Variants in ASIC2 observed in about 807,000 individuals in gnomAD.
ASIC2 encodes the protein acid-sensing ion channel 2.
Under a neutral mutation model 57.3 loss-of-function variants are expected in ASIC2, and 25 were observed. The observed-to-expected ratio is 0.44, with a 90% confidence interval of 0.32 to 0.61. The LOEUF (loss-of-function observed/expected upper bound fraction) is 0.61, where lower values mean the gene tolerates loss of function less well. Ranked by LOEUF, ASIC2 falls within the 20% of genes least tolerant of loss-of-function variation. The probability of loss-of-function intolerance (pLI) is 0.06; values close to 1 mark genes in which losing one functional copy is unlikely to be tolerated. For missense variants in ASIC2, 641 were observed against 738.1 expected, an observed-to-expected ratio of 0.87 and a Z score of 1.52; for synonymous variants, 319 against 307.5, an observed-to-expected ratio of 1.04 and a Z score of -0.39.
chr17:33,431,377 CG>C (rs1448501643), intron 1 of ASIC2, among the ~76,000 whole-genome samples: 1 of 152,010 alleles, frequency 6.6e-6, no homozygotes, highest in African/African-American at 2.4e-5. Flanking sequence ...GAGGTCGAGG[CG>C]GGCAGATCAC....
Position 33,707,300 on chromosome 17 carries a change from T to G in ASIC2, c.555+448678A>C, listed in dbSNP as rs1161298039. Among the ~76,000 whole-genome samples, 15 of 152,310 alleles carry G rather than the reference T, an allele frequency of 9.8e-5. No homozygotes were observed. In the East Asian group the frequency reaches 2.3e-3, roughly 23 times the overall value. On this transcript the variant is annotated intron_variant, in intron 1 of 9. Coordinates refer to the ASIC2 transcript ENST00000359872. ...TTAATTATGGCAAATTTTCTCATTC[T>G]AGCTCTTGTATAATTTTCTCAATTC...
chr17:33,294,468 C>T (rs1003649951), upstream of ASIC2, among the ~76,000 whole-genome samples: 1 of 151,960 alleles, frequency 6.6e-6, no homozygotes, highest in African/African-American at 2.4e-5. Context: ...CTGGGATGGG[C>T]TTTCCCTCCC....
intron 3 of ASIC2, among the ~76,000 whole-genome samples, chr17:33,065,062 C>T (rs1224809801): frequency 6.6e-6 from 1 of 151,412 alleles, no homozygotes; most frequent in African/African-American, 2.4e-5. Context: ...TCAGGTTCCC[C>T]AGCTGGGAAA....
chr17:33,771,591 G>A (rs1380492689), intron 1 of ASIC2, among the ~76,000 whole-genome samples: 2 of 152,004 alleles, frequency 1.3e-5, no homozygotes, highest in Non-Finnish European at 2.9e-5. Flanking sequence ...TTGCCTGAGG[G>A]CTGAGCTTGT....
chr17:33,395,051 C>G (rs1910027835), intron 1 of ASIC2, among the ~76,000 whole-genome samples: 1 of 150,394 alleles, frequency 6.6e-6, no homozygotes, highest in Non-Finnish European at 1.5e-5. Flanking sequence ...CTTCCATCCA[C>G]CTACCCATCC....
intron 1 of ASIC2, among the ~76,000 whole-genome samples, chr17:34,074,225 T>C (rs1909536188): frequency 6.6e-6 from 1 of 152,206 alleles, no homozygotes; most frequent in Non-Finnish European, 1.5e-5. Context: ...CACTGTATTT[T>C]GAGAACCACT....
intron 1 of ASIC2, among the ~76,000 whole-genome samples, chr17:33,320,842 T>C (rs1377589952): frequency 6.6e-6 from 1 of 152,174 alleles, no homozygotes; most frequent in African/African-American, 2.4e-5. Context: ...CCCACTGCAC[T>C]CTTATAACTG....
intron 1 of ASIC2, among the ~76,000 whole-genome samples, chr17:33,217,617 C>A (rs573703080): frequency 1.3e-5 from 2 of 152,276 alleles, no homozygotes; most frequent in East Asian, 3.9e-4. Context: ...AAGAAAGGAA[C>A]TGACAGCTTG....
At position 33,353,737 on chromosome 17, in the gene ASIC2, T is replaced by G. The variant is rs374429724; in HGVS notation, c.556-241670A>C. Among the ~76,000 whole-genome samples, 183 of 152,290 alleles carry G rather than the reference T, an allele frequency of 1.2e-3. 2 individuals carry two copies. Among genetic ancestry groups the G allele is most frequent in the African/African-American group, 4.2e-3 (175 of 41,574 alleles). On this transcript the variant is annotated intron_variant, in intron 1 of 9. Transcript: ENST00000359872. ...CTTCTTCCTAGGAGTCCCATAGGTC[T>G]TGGAACCATTTTTATGATCCTCAGT...
At chr17:34,038,325 A>G in intron 1 of ASIC2, 1 of 1,610,372 alleles carries the variant, frequency 6.2e-7, no homozygotes, top group Non-Finnish European at 8.5e-7. Flanking sequence ...GTACAAAACG[A>G]GTCAGTATCC....
intron 1 of ASIC2, among the ~76,000 whole-genome samples, chr17:33,710,096 A>G (rs902946270): frequency 2.0e-5 from 3 of 152,176 alleles, no homozygotes; most frequent in Non-Finnish European, 2.9e-5. Flanking sequence ...ATTTCTCCTC[A>G]TGGGTCTGCA....
chr17:33,792,258 T>A (rs563797485), intron 1 of ASIC2: 60 of 152,408 alleles, frequency 3.9e-4, no homozygotes, highest in African/African-American at 1.4e-3. Context: ...CTTAACTCCA[T>A]TCTCCACTGT....
rs1567695931 is a variant in ASIC2, at chr17:33,712,635, G to GTTTTTTTTTTTTTT, written c.555+443342_555+443343insAAAAAAAAAAAAAA. 5.4e-4 allele frequency among the ~76,000 whole-genome samples: 66 copies of GTTTTTTTTTTTTTT among 123,304 alleles called. 1 individual carries two copies. The highest frequency in any genetic ancestry group is 2.0e-3 in the African/African-American group (63 of 30,898). 80.9% of individuals were successfully genotyped at this position (123,304 alleles called of 152,430 possible). ...CTTTGCTTCCAAGCTTACTCATATG[G>GTTTTTTTTTTTTTT]CTTTTTTTTTTTTTTTTTTTTTTTT... is the stretch of plus-strand genomic sequence containing the variant. On this transcript the variant is annotated intron_variant, in intron 1 of 9. Transcript: ENST00000359872.
At chr17:33,693,810 G>A (rs1299119856) in intron 1 of ASIC2, among the ~76,000 whole-genome samples, 1 of 152,228 alleles carries the variant, frequency 6.6e-6, no homozygotes, top group Non-Finnish European at 1.5e-5. Context: ...AAAGGGCTGT[G>A]AGTACACATG....
intron 1 of ASIC2, among the ~76,000 whole-genome samples, chr17:33,508,634 C>T (rs1567634458): frequency 6.6e-6 from 1 of 152,184 alleles, no homozygotes; most frequent in Non-Finnish European, 1.5e-5. Context: ...CCTGAGAAGT[C>T]AGGTGGGGTA....
rs533159895 is a variant in ASIC2, at chr17:33,662,503, A to G, written c.555+493475T>C. Among the ~76,000 whole-genome samples the G allele has an allele frequency of 3.2e-4, 48 of 151,824 alleles. No homozygotes were observed. In the South Asian group the frequency reaches 7.1e-3, roughly 22 times the overall value. The stretch of plus-strand genomic sequence containing the variant: ...AGGTGTGGTGGGGGGGGCACCTGTA[A>G]TCCCAGCTACTCAGGAGACTGAGGC... On this transcript the variant is annotated intron_variant, in intron 1 of 9. Coordinates refer to the ASIC2 transcript ENST00000359872.
At chr17:33,715,460 A>T (rs906283648) in intron 1 of ASIC2, among the ~76,000 whole-genome samples, 1 of 152,304 alleles carries the variant, frequency 6.6e-6, no homozygotes, top group African/African-American at 2.4e-5. Context: ...ACAAGCACAA[A>T]GAGGATGGAC....
At chr17:33,740,499 G>A (rs1193182255) in intron 1 of ASIC2, among the ~76,000 whole-genome samples, 2 of 152,132 alleles carry the variant, frequency 1.3e-5, no homozygotes, top group Non-Finnish European at 2.9e-5. Context: ...GAGAACAGCA[G>A]CATGGGGGTA....
intron 1 of ASIC2, among the ~76,000 whole-genome samples, chr17:33,136,804 C>G (rs1440641184): frequency 6.6e-6 from 1 of 152,198 alleles, no homozygotes; most frequent in African/African-American, 2.4e-5. Context: ...TGGAGAAAGT[C>G]TGGACTAGGG....
Sources: allele counts gnomAD v4.1 joint callset (sites outside exome capture counted in the v4.1 genomes callset), GRCh38; gene constraint gnomAD v4.1.1; transcripts MANE v1.5; gene names NCBI Gene and HGNC (gene_info 2026-07-23, HGNC 2026-07-21).